SWAP70: variants seen among roughly 807,000 people sequenced by gnomAD.
SWAP70 encodes switch-associated protein 70.
SWAP70 carries 34 observed loss-of-function variants against 80.2 expected under a neutral mutation model. That is an observed-to-expected ratio of 0.42 (90% confidence interval 0.32 to 0.56). The LOEUF (loss-of-function observed/expected upper bound fraction) is 0.56, where lower values mean the gene tolerates loss of function less well. Among genes scored for constraint, SWAP70 ranks in the 20% least tolerant of loss-of-function variants. The pLI, the probability that SWAP70 is intolerant of heterozygous loss-of-function variation, is 0.09. For missense variants in SWAP70, 578 were observed against 690.7 expected (o/e 0.84, Z 1.83); for synonymous variants, 239 against 238.5 (o/e 1.00, Z -0.02).
rs999817277 is a variant in SWAP70, at chr11:9,666,793, C to T, written c.99+2515C>T. On this transcript the variant is annotated intron_variant, in intron 1 of 11. Transcript: ENST00000318950. The stretch of plus-strand genomic sequence containing the variant: ...AGGCTAGAGTGCAGTGGTGTGATCT[C>T]GGCTCACTGCAACCTCTGCCTCCCG... 6.1e-4 allele frequency among the ~76,000 whole-genome samples: 88 copies of T among 144,490 alleles called. 1 individual carries two copies. The highest frequency in any genetic ancestry group is 1.1e-3 in the Non-Finnish European group (71 of 66,362). The allele number at this position is 144,490 out of a possible 152,430, so 94.8% of individuals were successfully genotyped here.
At chr11:9,694,417 A>G in intron 2 of SWAP70, 131 bp downstream of exon 2, 2 of 1,052,426 alleles carry the variant, frequency 1.9e-6, no homozygotes, top group Non-Finnish European at 2.6e-6. Flanking sequence ...CCAGAAAGGA[A>G]GAAAGAATGA....
chr11:9,668,045 C>CA (rs750235083), intron 1 of SWAP70, among the ~76,000 whole-genome samples: 15 of 152,124 alleles, frequency 9.9e-5, no homozygotes, highest in South Asian at 4.1e-4. Context: ...CCCACTACCA[C>CA]ACCTGGCTAA....
In SWAP70 at chr11:9,752,043, C is replaced by G. The variant is rs1851597508; in HGVS notation, c.*2073C>G. 6.6e-6 allele frequency: 1 copy of G among 152,158 alleles called. No homozygotes were observed. The highest frequency in any genetic ancestry group is 1.5e-5 in the Non-Finnish European group (1 of 68,044). 9.4% of individuals were successfully genotyped at this position (152,158 alleles called of 1,614,324 possible). On this transcript the variant is annotated 3_prime_UTR_variant, in exon 12 of 12. Transcript: ENST00000318950. The stretch of plus-strand genomic sequence containing the variant: ...CATTACACCAGAAGACTCCAGTATC[C>G]CTCATTCCAGAATGAGGAAAAAGTA...
intron 2 of SWAP70, among the ~76,000 whole-genome samples, chr11:9,708,608 A>C (rs1036983211): frequency 6.6e-6 from 1 of 152,068 alleles, no homozygotes; most frequent in African/African-American, 2.4e-5. Flanking sequence ...ATTTGGTCTT[A>C]TATTTGCTTT....
intron 2 of SWAP70, among the ~76,000 whole-genome samples, chr11:9,704,731 A>AT (rs1248572188): frequency 2.0e-5 from 3 of 152,298 alleles, no homozygotes; most frequent in Non-Finnish European, 4.4e-5. Context: ...GCATTTGCAC[A>AT]TAACTGTTAG....
At chr11:9,738,667 G>C (rs1340154922) in intron 8 of SWAP70, among the ~76,000 whole-genome samples, 1 of 126,238 alleles carries the variant, frequency 7.9e-6, no homozygotes, top group Non-Finnish European at 1.6e-5. Context: ...AGGAGTTCAA[G>C]ACCAGCCTGG....
chr11:9,735,352 T>C (rs545108251), intron 7 of SWAP70, among the ~76,000 whole-genome samples: 20 of 152,392 alleles, frequency 1.3e-4, no homozygotes, highest in Admixed American at 2.0e-4. Context: ...CATTCTTTTT[T>C]ATGGCTGTAG....
intron 9 of SWAP70, chr11:9,741,418 C>T (rs1851436415): frequency 6.6e-6 from 1 of 152,156 alleles, no homozygotes; most frequent in African/African-American, 2.4e-5. Context: ...TAATCAGGTT[C>T]TTGGAACTCC....
chr11:9,685,544 A>T (rs1850620000), intron 1 of SWAP70, among the ~76,000 whole-genome samples: 1 of 150,486 alleles, frequency 6.6e-6, no homozygotes. Flanking sequence ...AGACTAGGGA[A>T]CTCTCTCCCT....
chr11:9,728,287 A>G (rs1851252784), intron 5 of SWAP70, 88 bp downstream of exon 5: 13 of 1,272,532 alleles, frequency 1.0e-5, no homozygotes, highest in Admixed American at 2.8e-5. Flanking sequence ...CCTAGACTCT[A>G]GAACCTTAAA....
chr11:9,733,002 T>C (rs1450967356), intron 7 of SWAP70, among the ~76,000 whole-genome samples: 1 of 152,200 alleles, frequency 6.6e-6, no homozygotes, highest in Admixed American at 6.5e-5. Context: ...GAAATTTCAT[T>C]CCCTTGAGGG....
chr11:9,707,557 CTT>C (rs34901698), intron 2 of SWAP70, among the ~76,000 whole-genome samples: 9 of 64,806 alleles, frequency 1.4e-4, no homozygotes, highest in Admixed American at 2.5e-4. Context: ...TTTTTCTTTT[CTT>C]TTTTTTTTTT....
chr11:9,698,683 G>A (rs1850793339), intron 2 of SWAP70, among the ~76,000 whole-genome samples: 1 of 152,186 alleles, frequency 6.6e-6, no homozygotes, highest in Non-Finnish European at 1.5e-5. Context: ...GGGATTATAG[G>A]TGTGAGCCAT....
chr11:9,737,054 A>C (rs11828354), intron 7 of SWAP70, among the ~76,000 whole-genome samples: 15,092 of 152,160 alleles, frequency 0.099, 1,900 homozygotes, highest in East Asian at 0.28. Context: ...GTCAACCAAC[A>C]AACCAACAAC....
chr11:9,676,065 G>A (rs1054508966), intron 1 of SWAP70, among the ~76,000 whole-genome samples: 8 of 152,208 alleles, frequency 5.3e-5, no homozygotes, highest in African/African-American at 1.7e-4. Flanking sequence ...GAAGTAGATA[G>A]CAATAGGCTA....
rs1378465089 is a variant in SWAP70 at position 9,664,394 on chromosome 11, C to G, written c.99+116C>G. On this transcript the variant is annotated intron_variant, in intron 1 of 11. Transcript: ENST00000318950. ...CCGCAGGGCGGGGCGGGTCGGAATG[C>G]GCCCGGTAGGCCCGCTTGGGGCGGA... The G allele has an allele frequency of 2.6e-6, 3 of 1,170,394 alleles. No homozygotes were observed. In the Admixed American group the frequency reaches 7.3e-5, roughly 29 times the overall value. 72.5% of individuals were successfully genotyped at this position (1,170,394 alleles called of 1,614,324 possible). A position where few individuals can be genotyped will look rare whatever the true frequency, so the allele number is the denominator to read the frequency against.
At chr11:9,684,935 A>G (rs1850612432) in intron 1 of SWAP70, among the ~76,000 whole-genome samples, 1 of 152,246 alleles carries the variant, frequency 6.6e-6, no homozygotes, top group Non-Finnish European at 1.5e-5. Context: ...TGGCTAAAAT[A>G]CAGACTCTCT....
At chr11:9,702,618 AC>A in intron 2 of SWAP70, among the ~76,000 whole-genome samples, 1 of 152,026 alleles carries the variant, frequency 6.6e-6, no homozygotes, top group Non-Finnish European at 1.5e-5. Flanking sequence ...CAGAGGTCTC[AC>A]TATGTTGTCC....
At chr11:9,668,158 G>A (rs181717927) in intron 1 of SWAP70, among the ~76,000 whole-genome samples, 1 of 152,290 alleles carries the variant, frequency 6.6e-6, no homozygotes, top group East Asian at 1.9e-4. Flanking sequence ...CAAAGCATTG[G>A]GATTATAGGC....
Sources: gnomAD v4.1 joint callset for allele counts (sites outside exome capture counted in the v4.1 genomes callset) on GRCh38, gnomAD v4.1.1 for gene constraint, MANE v1.5 for transcripts, NCBI Gene and HGNC (gene_info 2026-07-23, HGNC 2026-07-21) for gene names.